The following KCNMB2 variants were observed in gnomAD, a reference collection of about 807,000 sequenced individuals.
The protein encoded by KCNMB2 is calcium-activated potassium channel subunit beta-2.
Under a neutral mutation model 24.5 loss-of-function variants are expected in KCNMB2, and 9 were observed. The ratio of observed to expected loss-of-function variants is 0.37; its 90% CI spans 0.22 to 0.64. KCNMB2 has a LOEUF of 0.64. Among genes scored for constraint, KCNMB2 ranks in the 30% least tolerant of loss-of-function variants. The pLI is 0.63. For missense variants in KCNMB2, 226 were observed against 284.3 expected, an observed-to-expected ratio of 0.79 and a Z score of 1.47; for synonymous variants, 109 against 104.4, an observed-to-expected ratio of 1.04 and a Z score of -0.27.
chr3:178,758,688 ATCTC>A (rs1275026600), intron 1 of KCNMB2, among the ~76,000 whole-genome samples: 2 of 21,848 alleles, frequency 9.2e-5, no homozygotes, highest in African/African-American at 1.3e-3. Flanking sequence ...ATATATATAT[ATCTC>A]TCTCTCTACA....
At chr3:178,664,266 G>A (rs147759069) in intron 1 of KCNMB2, among the ~76,000 whole-genome samples, 11 of 152,184 alleles carry the variant, frequency 7.2e-5, no homozygotes, top group African/African-American at 2.6e-4. Flanking sequence ...GAGAACAAAT[G>A]ACATGATTAG....
At chr3:178,663,990 C>A (rs1720628963) in intron 1 of KCNMB2, among the ~76,000 whole-genome samples, 1 of 152,108 alleles carries the variant, frequency 6.6e-6, no homozygotes, top group South Asian at 2.1e-4. Flanking sequence ...AAAACTAGTC[C>A]TTCTAACCAT....
intron 1 of KCNMB2, among the ~76,000 whole-genome samples, chr3:178,686,536 A>G (rs1343776497): frequency 2.0e-5 from 3 of 152,088 alleles, no homozygotes; most frequent in Non-Finnish European, 4.4e-5. Flanking sequence ...GGCCAGAAAA[A>G]TTCTTCCTAA....
intron 1 of KCNMB2, among the ~76,000 whole-genome samples, chr3:178,567,098 C>T (rs1716554225): frequency 6.6e-6 from 1 of 152,132 alleles, no homozygotes; most frequent in African/African-American, 2.4e-5. Flanking sequence ...GTATACTTTG[C>T]ATATCACCAT....
intron 1 of KCNMB2, among the ~76,000 whole-genome samples, chr3:178,775,346 TTATGTAAA>T (rs1712537555): frequency 6.6e-6 from 1 of 152,184 alleles, no homozygotes; most frequent in Admixed American, 6.5e-5. Flanking sequence ...ATAACAAATG[TTATGTAAA>T]TAAATGCATC....
intron 1 of KCNMB2, among the ~76,000 whole-genome samples, chr3:178,543,291 T>C (rs1268340293): frequency 6.6e-6 from 1 of 152,198 alleles, no homozygotes; most frequent in Admixed American, 6.5e-5. Flanking sequence ...CTCTCTGAGA[T>C]ACCAAACCTA....
intron 2 of KCNMB2, among the ~76,000 whole-genome samples, chr3:178,811,377 G>A (rs756781344): frequency 1.8e-4 from 28 of 151,904 alleles, no homozygotes; most frequent in African/African-American, 3.1e-4. Context: ...ATCATTCCCC[G>A]ATTTTTTTTC....
chr3:178,568,152 T>C (rs913903965), intron 1 of KCNMB2, among the ~76,000 whole-genome samples: 1 of 152,198 alleles, frequency 6.6e-6, no homozygotes, highest in African/African-American at 2.4e-5. Flanking sequence ...AATTTCCATA[T>C]GACACTGCAG....
intron 1 of KCNMB2, among the ~76,000 whole-genome samples, chr3:178,685,197 G>A (rs1342672450): frequency 1.3e-5 from 2 of 152,190 alleles, no homozygotes; most frequent in Non-Finnish European, 2.9e-5. Flanking sequence ...AGTGAGGCAG[G>A]CCTGGCTTTA....
chr3:178,554,570 C>T (rs551494815), intron 1 of KCNMB2, among the ~76,000 whole-genome samples: 2 of 152,208 alleles, frequency 1.3e-5, no homozygotes, highest in African/African-American at 4.8e-5. Flanking sequence ...ACAAGTGACC[C>T]AACTTGCAAA....
intron 1 of KCNMB2, among the ~76,000 whole-genome samples, chr3:178,672,352 A>G (rs1720928986): frequency 6.6e-6 from 1 of 152,158 alleles, no homozygotes; most frequent in South Asian, 2.1e-4. Context: ...AGAAGTATTT[A>G]GCTAATAAGA....
chr3:178,575,210 G>C (rs1716949187), intron 1 of KCNMB2, among the ~76,000 whole-genome samples: 1 of 152,158 alleles, frequency 6.6e-6, no homozygotes, highest in Non-Finnish European at 1.5e-5. Flanking sequence ...AACGAGAATG[G>C]GAGTGAGGAA....
At chr3:178,809,801 T>A (rs942161566) in intron 2 of KCNMB2, among the ~76,000 whole-genome samples, 2 of 152,226 alleles carry the variant, frequency 1.3e-5, no homozygotes, top group African/African-American at 4.8e-5. Context: ...ACTGTTTTAA[T>A]TTTTTATTTT....
intron 1 of KCNMB2, among the ~76,000 whole-genome samples, chr3:178,710,126 A>G (rs1185687151): frequency 6.6e-6 from 1 of 152,074 alleles, no homozygotes; most frequent in Non-Finnish European, 1.5e-5. Flanking sequence ...AATATAGTTA[A>G]CCAAAAATTA....
chr3:178,720,278 A>G (rs377679263), intron 1 of KCNMB2, among the ~76,000 whole-genome samples: 8 of 149,870 alleles, frequency 5.3e-5, no homozygotes, highest in Non-Finnish European at 7.4e-5. Context: ...ATGATTTCCA[A>G]TTTCATCCAT....
rs73045969 is a variant in KCNMB2, at chr3:178,686,928, G to T, written c.-67-120415G>T. 1.7e-3 allele frequency among the ~76,000 whole-genome samples: 253 copies of T among 151,256 alleles called. 1 individual carries two copies. The highest frequency in any genetic ancestry group is 5.8e-3 in the African/African-American group (242 of 41,496). ...TTATGAATTTCTACTGGCAAGAAGT[G>T]CAGACAGCTTTTATTTATCTTTTTA... On this transcript the variant is annotated intron_variant, in intron 1 of 4. Transcript: ENST00000452583.
At chr3:178,746,470 A>G (rs1456089990) in intron 1 of KCNMB2, among the ~76,000 whole-genome samples, 1 of 151,982 alleles carries the variant, frequency 6.6e-6, no homozygotes, top group Non-Finnish European at 1.5e-5. Flanking sequence ...GACCTTAGAC[A>G]TGCCCTGGAG....
chr3:178,540,864 C>G (rs1715594661), intron 1 of KCNMB2, among the ~76,000 whole-genome samples: 1 of 152,204 alleles, frequency 6.6e-6, no homozygotes, highest in Non-Finnish European at 1.5e-5. Context: ...CTCCCTTCTC[C>G]TCAGTTGTAA....
chr3:178,805,794 TA>T (rs1287276343), intron 1 of KCNMB2, among the ~76,000 whole-genome samples: 2 of 152,028 alleles, frequency 1.3e-5, no homozygotes. Flanking sequence ...CACACGTGGC[TA>T]ATTTTTTTTA....
Sources: allele counts gnomAD v4.1 joint callset (sites outside exome capture counted in the v4.1 genomes callset), GRCh38; gene constraint gnomAD v4.1.1; transcripts MANE v1.5; gene names NCBI Gene and HGNC (gene_info 2026-07-23, HGNC 2026-07-21).